Variants in TMEM272 observed in about 807,000 individuals in gnomAD.
The protein encoded by TMEM272 is long intergenic non-protein coding RNA 282.
In TMEM272, 8 loss-of-function variants were observed where a neutral mutation model predicts 3.7. The observed-to-expected ratio is 2.17, with a 90% CI of 1.27 to 3.91. TMEM272 has a LOEUF of 3.91. Ranked by LOEUF, TMEM272 falls within the 30% of genes most tolerant of loss-of-function variation. The pLI is 0.00. For synonymous variants in TMEM272, 63 were observed against 39.8 expected (o/e 1.58, Z -2.20); for missense variants, 166 against 91.5 (o/e 1.81, Z -3.32).
upstream of TMEM272, among the ~76,000 whole-genome samples, chr13:51,846,066 G>T (rs1215948944): frequency 2.0e-5 from 3 of 152,200 alleles, no homozygotes; most frequent in African/African-American, 4.8e-5. Flanking sequence ...GCAAGGAGCT[G>T]CTCCCTCTGA....
chr13:51,933,736 C>T, the TMEM272 span: 1 of 152,338 alleles, frequency 6.6e-6, no homozygotes, highest in Middle Eastern at 3.4e-3. Flanking sequence ...CACATGAATT[C>T]TCTACTGAAC....
chr13:51,930,013 G>A, the TMEM272 span, among the ~76,000 whole-genome samples: 1 of 152,314 alleles, frequency 6.6e-6, no homozygotes, highest in East Asian at 1.9e-4. Flanking sequence ...TCAACAAGGA[G>A]CAGGAAGGCT....
the TMEM272 span, among the ~76,000 whole-genome samples, chr13:51,925,437 G>A: frequency 9.2e-5 from 14 of 152,156 alleles, no homozygotes; most frequent in African/African-American, 3.4e-4. Flanking sequence ...GCTACCAAAG[G>A]TGGAATTAAC....
At chr13:51,865,835 G>A in the TMEM272 span, 3 of 1,614,192 alleles carry the variant, frequency 1.9e-6, no homozygotes, top group East Asian at 4.5e-5. Context: ...TCTTCAGGAG[G>A]ACAAGGCCCT....
the TMEM272 span, among the ~76,000 whole-genome samples, chr13:51,852,722 A>C: frequency 5.9e-5 from 9 of 152,090 alleles, no homozygotes; most frequent in Non-Finnish European, 1.2e-4. Flanking sequence ...TACTAAAAAT[A>C]CAAAAAATTA....
At chr13:51,931,652 GA>G in the TMEM272 span, among the ~76,000 whole-genome samples, 1 of 152,204 alleles carries the variant, frequency 6.6e-6, no homozygotes, top group East Asian at 1.9e-4. Context: ...AAAAGAAAAA[GA>G]AAGAATCTAT....
chr13:51,865,916 G>A, the TMEM272 span: 4 of 1,613,952 alleles, frequency 2.5e-6, no homozygotes, highest in Non-Finnish European at 3.4e-6. Context: ...CCTGTGGGAA[G>A]ATAAAACGTC....
intron 1 of TMEM272, among the ~76,000 whole-genome samples, chr13:51,840,728 T>C (rs1312111164): frequency 1.3e-5 from 2 of 152,252 alleles, no homozygotes; most frequent in African/African-American, 4.8e-5. Context: ...TAATGTTTAA[T>C]GAATAATTCT....
chr13:51,904,768 T>C, the TMEM272 span, among the ~76,000 whole-genome samples: 6 of 152,190 alleles, frequency 3.9e-5, no homozygotes, highest in African/African-American at 1.4e-4. Flanking sequence ...GCAAATATAA[T>C]GCAAATATTC....
At chr13:51,818,995 C>T (rs184226547) in intron 4 of TMEM272, among the ~76,000 whole-genome samples, 4 of 152,144 alleles carry the variant, frequency 2.6e-5, no homozygotes, top group Non-Finnish European at 5.9e-5. Context: ...ATGATTAAAT[C>T]GGAGGAAATT....
the TMEM272 span, among the ~76,000 whole-genome samples, chr13:51,901,909 A>T: frequency 6.6e-6 from 1 of 152,236 alleles, no homozygotes; most frequent in Non-Finnish European, 1.5e-5. Flanking sequence ...TGGGTTACCC[A>T]GTCCAGAGCA....
At chr13:51,926,816 T>C in the TMEM272 span, among the ~76,000 whole-genome samples, 1 of 152,220 alleles carries the variant, frequency 6.6e-6, no homozygotes. Flanking sequence ...TACTAGATCA[T>C]TCTGTGATGC....
At chr13:51,928,184 A>G in the TMEM272 span, among the ~76,000 whole-genome samples, 15 of 152,262 alleles carry the variant, frequency 9.9e-5, no homozygotes, top group South Asian at 2.1e-4. Flanking sequence ...ACTAAGTCCT[A>G]GCAGCAGGCC....
At chr13:51,869,491 ATT>A in the TMEM272 span, among the ~76,000 whole-genome samples, 2,060 of 142,822 alleles carry the variant, frequency 0.014, 53 homozygotes, top group African/African-American at 0.05. Context: ...CAATTCAGTA[ATT>A]TTTTTTTTTT....
chr13:51,908,720 T>C, the TMEM272 span: 1 of 1,475,350 alleles, frequency 6.8e-7, no homozygotes, highest in East Asian at 2.3e-5. Context: ...TGAGTTCTGC[T>C]AGTCCAGAGC....
At chr13:51,910,725 C>G in the TMEM272 span, 2 of 382,992 alleles carry the variant, frequency 5.2e-6, no homozygotes, top group African/African-American at 2.1e-5. Flanking sequence ...CAAATCTGCG[C>G]CAGGCAACCG....
At chr13:51,919,137 G>C in the TMEM272 span, among the ~76,000 whole-genome samples, 1 of 152,104 alleles carries the variant, frequency 6.6e-6, no homozygotes, top group East Asian at 1.9e-4. Flanking sequence ...CGAGGCCCAG[G>C]TGAAACTCCC....
At chr13:51,896,349 C>A in the TMEM272 span, among the ~76,000 whole-genome samples, 26,018 of 152,082 alleles carry the variant, frequency 0.17, 2,484 homozygotes, top group East Asian at 0.44. Context: ...CAGAGAAACA[C>A]GTGTGTGTAA....
At chr13:51,835,833 T>C (rs1026757831) in intron 2 of TMEM272, among the ~76,000 whole-genome samples, 1 of 152,242 alleles carries the variant, frequency 6.6e-6, no homozygotes, top group African/African-American at 2.4e-5. Flanking sequence ...AGTTTTTAAA[T>C]TTTTTAGTTG....
Sources: gnomAD v4.1 joint callset for allele counts (sites outside exome capture counted in the v4.1 genomes callset) on GRCh38, gnomAD v4.1.1 for gene constraint, MANE v1.5 for transcripts, NCBI Gene and HGNC (gene_info 2026-07-23, HGNC 2026-07-21) for gene names.